KRABD1: variants seen among roughly 807,000 people sequenced by gnomAD.
The protein encoded by KRABD1 is KRAB domain containing 1, also known as KRAB domain-containing protein 1.
the KRABD1 span, among the ~76,000 whole-genome samples, chr3:42,939,841 TA>T: frequency 5.6e-4 from 86 of 152,310 alleles, no homozygotes; most frequent in Non-Finnish European, 1.0e-3. Flanking sequence ...CCTGTTCAGA[TA>T]TTTTTTCGTA....
chr3:42,937,678 T>G, the KRABD1 span: 1 of 152,240 alleles, frequency 6.6e-6, no homozygotes, highest in Non-Finnish European at 1.5e-5. Context: ...CTCTTTACAC[T>G]CATAAATATT....
chr3:42,942,205 C>G, the KRABD1 span: 2 of 674,016 alleles, frequency 3.0e-6, no homozygotes, highest in Admixed American at 4.5e-5. Context: ...TTTTTCTGAC[C>G]GGTGTGTTAT....
At chr3:42,938,830 T>G in the KRABD1 span, 9 of 1,189,822 alleles carry the variant, frequency 7.6e-6, no homozygotes, top group African/African-American at 9.1e-5. Context: ...ATCGTTAATG[T>G]TTTTTTTCTT....
At chr3:42,942,144 T>G in the KRABD1 span, 2 of 1,003,414 alleles carry the variant, frequency 2.0e-6, no homozygotes, top group Non-Finnish European at 3.0e-6. Flanking sequence ...ATGAAAGGTG[T>G]GTGTTCTCTG....
the KRABD1 span, chr3:42,937,377 A>G: frequency 6.6e-6 from 1 of 152,140 alleles, no homozygotes; most frequent in African/African-American, 2.4e-5. Context: ...TTGTAGTTCT[A>G]TTTCCAGATG....
chr3:42,942,107 C>T, the KRABD1 span: 1 of 1,384,156 alleles, frequency 7.2e-7, no homozygotes, highest in Non-Finnish European at 9.9e-7. Flanking sequence ...CCAGCTTTGT[C>T]TCTTCCTTTG....
chr3:42,941,188 G>A, the KRABD1 span: 10 of 1,533,760 alleles, frequency 6.5e-6, no homozygotes, highest in Middle Eastern at 3.3e-4. Context: ...CATCACCAAA[G>A]TACTGAGGTC....
At chr3:42,939,222 G>A in the KRABD1 span, among the ~76,000 whole-genome samples, 1 of 152,196 alleles carries the variant, frequency 6.6e-6, no homozygotes, top group Admixed American at 6.5e-5. Flanking sequence ...TGCCTCCCAA[G>A]CAATCCACTG....
At chr3:42,941,340 G>T in the KRABD1 span, 1 of 1,594,854 alleles carries the variant, frequency 6.3e-7, no homozygotes. Flanking sequence ...CTATGAGGCT[G>T]TGGCCTTTGT....
the KRABD1 span, chr3:42,937,247 T>A: frequency 6.6e-6 from 1 of 152,354 alleles, no homozygotes; most frequent in African/African-American, 2.4e-5. Context: ...TAGTCAACTA[T>A]GTTGGGAGTG....
At chr3:42,939,083 A>G in the KRABD1 span, among the ~76,000 whole-genome samples, 8 of 152,016 alleles carry the variant, frequency 5.3e-5, no homozygotes, top group African/African-American at 7.3e-5. Context: ...CACATTTCTC[A>G]TTGAGGTTTA....
At chr3:42,940,426 G>A in the KRABD1 span, among the ~76,000 whole-genome samples, 1 of 152,160 alleles carries the variant, frequency 6.6e-6, no homozygotes, top group Non-Finnish European at 1.5e-5. Flanking sequence ...TTTCTCCAAG[G>A]TAATTAAAAA....
At chr3:42,938,915 TA>T in the KRABD1 span, 1 of 1,532,632 alleles carries the variant, frequency 6.5e-7, no homozygotes, top group African/African-American at 1.4e-5. Context: ...GCTGTGTCCT[TA>T]ACAACCAGGC....
At chr3:42,938,214 A>G in the KRABD1 span, 1 of 152,214 alleles carries the variant, frequency 6.6e-6, no homozygotes, top group Non-Finnish European at 1.5e-5. Context: ...TTCTTTTAAT[A>G]TGGTAATGTT....
chr3:42,939,535 T>G, the KRABD1 span, among the ~76,000 whole-genome samples: 4 of 152,320 alleles, frequency 2.6e-5, no homozygotes, highest in South Asian at 8.3e-4. Context: ...CATTCTTATC[T>G]TTTTGTGGAC....
At chr3:42,940,584 C>T in the KRABD1 span, among the ~76,000 whole-genome samples, 2 of 152,148 alleles carry the variant, frequency 1.3e-5, no homozygotes, top group Non-Finnish European at 2.9e-5. Flanking sequence ...TTGAAATAGA[C>T]ACCTTTTTAG....
the KRABD1 span, chr3:42,939,001 CA>C: frequency 3.6e-6 from 4 of 1,126,032 alleles, no homozygotes; most frequent in Non-Finnish European, 5.0e-6. Flanking sequence ...TAGATACATA[CA>C]TAAAAATATC....
At chr3:42,938,662 G>A in the KRABD1 span, 4 of 391,852 alleles carry the variant, frequency 1.0e-5, no homozygotes, top group Non-Finnish European at 1.4e-5. Context: ...CACTCATTCC[G>A]TGGATGATTC....
the KRABD1 span, among the ~76,000 whole-genome samples, chr3:42,939,586 A>G: frequency 6.6e-6 from 1 of 152,094 alleles, no homozygotes. Flanking sequence ...TGTGAGTAAA[A>G]TTTTAGCTCA....
Sources: gnomAD v4.1 joint callset for allele counts (sites outside exome capture counted in the v4.1 genomes callset) on GRCh38, gnomAD v4.1.1 for gene constraint, MANE v1.5 for transcripts, NCBI Gene and HGNC (gene_info 2026-07-23, HGNC 2026-07-21) for gene names.